KAT2B: variants seen among roughly 807,000 people sequenced by gnomAD.
KAT2B encodes histone acetyltransferase KAT2B.
KAT2B carries 36 observed loss-of-function variants against 105.9 expected under a neutral mutation model. The ratio of observed to expected loss-of-function variants is 0.34; its 90% CI spans 0.26 to 0.45. KAT2B has a LOEUF of 0.45. KAT2B is among the 20% of genes least tolerant of loss of function. The pLI, the probability that KAT2B is intolerant of heterozygous loss-of-function variation, is 1.00. For synonymous variants in KAT2B, 397 were observed against 377.9 expected (o/e 1.05, Z -0.59); for missense variants, 820 against 1,021.6 (o/e 0.80, Z 2.69).
chr3:20,067,424 A>G (rs1698241807), intron 1 of KAT2B, among the ~76,000 whole-genome samples: 1 of 152,132 alleles, frequency 6.6e-6, no homozygotes, highest in Non-Finnish European at 1.5e-5. Flanking sequence ...CCCCCAGTGA[A>G]CACAGCCATT....
intron 7 of KAT2B, 142 bp downstream of exon 7, chr3:20,115,130 A>C (rs559728786): frequency 5.0e-6 from 3 of 604,230 alleles, no homozygotes; most frequent in African/African-American, 3.7e-5. Flanking sequence ...TTCAAACCCA[A>C]TTATAGTCTC....
chr3:20,141,421 C>T (rs940292912), intron 13 of KAT2B, among the ~76,000 whole-genome samples: 2 of 151,994 alleles, frequency 1.3e-5, no homozygotes, highest in Non-Finnish European at 2.9e-5. Flanking sequence ...TACACAAAGG[C>T]CATTTATTGA....
intron 2 of KAT2B, among the ~76,000 whole-genome samples, chr3:20,084,998 A>G (rs1448584005): frequency 3.9e-5 from 6 of 152,180 alleles, no homozygotes. Flanking sequence ...ATCTGAAGGA[A>G]TTTACTTGAT....
rs1699774368 is a variant in KAT2B, at chr3:20,145,713, T to C, written c.2005-603T>C. On this transcript the variant is annotated intron_variant, in intron 13 of 17. Transcript: ENST00000263754. ...TTATGTCATGGTTGTGTTGCTTTAA[T>C]AGATGATACTTTAAATTGCATTATT... is the stretch of plus-strand genomic sequence containing the variant. Among the ~76,000 whole-genome samples, 3 of 152,316 alleles carry C rather than the reference T, an allele frequency of 2.0e-5. No homozygotes were observed. The South Asian group carries it at 6.2e-4, about 32-fold the overall frequency.
At chr3:20,056,906 A>G (rs186502739) in intron 1 of KAT2B, among the ~76,000 whole-genome samples, 1 of 152,316 alleles carries the variant, frequency 6.6e-6, no homozygotes, top group African/African-American at 2.4e-5. Flanking sequence ...TGGGAGGGGA[A>G]CATAACATGA....
In KAT2B at chr3:20,067,234, T is replaced by G. The variant is rs1473435734; in HGVS notation, c.304-5099T>G. ...AAGAAAAGATCTTTATTCAGTTACATTTTTAAGCATCAGTGTTTATTGTAT... is the reference window on the plus strand; with the variant it reads ...AAGAAAAGATCTTTATTCAGTTACAGTTTTAAGCATCAGTGTTTATTGTAT... On this transcript the variant is annotated intron_variant, in intron 1 of 17. Coordinates refer to ENST00000263754, the MANE Select transcript of KAT2B (RefSeq NM_003884.5). Among the ~76,000 whole-genome samples, 3 of 152,258 alleles carry G rather than the reference T, an allele frequency of 2.0e-5. No homozygotes were observed. The South Asian group carries it at 6.2e-4, about 32-fold the overall frequency.
intron 7 of KAT2B, among the ~76,000 whole-genome samples, chr3:20,118,620 G>A (rs897200061): frequency 1.3e-5 from 2 of 149,522 alleles, no homozygotes; most frequent in Non-Finnish European, 3.0e-5. Context: ...CTACTCGGGA[G>A]GCTGAGGCAG....
chr3:20,075,211 C>A (rs911598234), intron 2 of KAT2B, among the ~76,000 whole-genome samples: 5 of 151,984 alleles, frequency 3.3e-5, no homozygotes, highest in African/African-American at 1.2e-4. Flanking sequence ...TTGTAGTGAG[C>A]CGAGATTGCA....
At chr3:20,138,785 A>T (rs1699647548) in intron 12 of KAT2B, among the ~76,000 whole-genome samples, 1 of 152,178 alleles carries the variant, frequency 6.6e-6, no homozygotes, top group Non-Finnish European at 1.5e-5. Context: ...TAACTATATT[A>T]ACCTTGGATA....
At chr3:20,106,620 G>A (rs1367584185) in intron 5 of KAT2B, among the ~76,000 whole-genome samples, 2 of 152,112 alleles carry the variant, frequency 1.3e-5, no homozygotes, top group Non-Finnish European at 2.9e-5. Context: ...GGAAATGAAT[G>A]AAAGCCCATT....
At chr3:20,111,832 A>C (rs1376953022) in intron 6 of KAT2B, 45 bp downstream of exon 6, 1 of 1,484,874 alleles carries the variant, frequency 6.7e-7, no homozygotes, top group East Asian at 2.3e-5. Context: ...CCAGAGCTTG[A>C]GGTTGCTAAA....
At chr3:20,111,283 ATCAAATTT>A (rs1699116618) in intron 5 of KAT2B, among the ~76,000 whole-genome samples, 1 of 152,252 alleles carries the variant, frequency 6.6e-6, no homozygotes, top group South Asian at 2.1e-4. Context: ...AAATAGCGTA[ATCAAATTT>A]TCAAAGTTAT....
chr3:20,091,703 T>G (rs756259279), intron 2 of KAT2B, among the ~76,000 whole-genome samples: 5 of 152,180 alleles, frequency 3.3e-5, no homozygotes, highest in Non-Finnish European at 7.3e-5. Context: ...CACTTCTGTT[T>G]GTCTTAAGAT....
At chr3:20,071,038 A>G (rs1409029472) in intron 1 of KAT2B, among the ~76,000 whole-genome samples, 1 of 152,046 alleles carries the variant, frequency 6.6e-6, no homozygotes, top group Non-Finnish European at 1.5e-5. Flanking sequence ...AAGTTTGGAT[A>G]ACTGTATTAC....
chr3:20,135,655 A>C (rs1699587531), intron 11 of KAT2B, among the ~76,000 whole-genome samples: 1 of 6,310 alleles, frequency 1.6e-4, no homozygotes, highest in South Asian at 5.7e-3. Flanking sequence ...CTCCATCTCA[A>C]AAAAAAAAAA....
At position 20,127,508 on chromosome 3, in the gene KAT2B, G is replaced by A; in HGVS notation, c.1708G>A (p.Glu570Lys). ...FRMFPSQGFTEIVFCAVTSNE... is the reference protein window; with the variant it reads ...FRMFPSQGFTKIVFCAVTSNE... Reference sequence around the variant, plus strand: ...TATGTTCCCATCTCAAGGATTCACAGAGATTGTCTTCTGTGCTGTAACCTC... The same window carrying A: ...TATGTTCCCATCTCAAGGATTCACAAAGATTGTCTTCTGTGCTGTAACCTC... The change falls in exon 11 of 18, where the codon GAG (glutamate) becomes AAG (lysine). Residue 570 changes from glutamate to lysine, a missense_variant. By Grantham distance (56) the Glu-to-Lys change is moderately conservative. Around this residue, in one of 6 missense-constraint regions of KAT2B, gnomAD observed 225 missense variants for 268.1 expected, o/e 0.84. Coordinates refer to ENST00000263754, the MANE Select transcript of KAT2B (RefSeq NM_003884.5). 6.2e-7 allele frequency: 1 copy of A among 1,613,910 alleles called. No homozygotes were observed. The highest frequency in any genetic ancestry group is 8.5e-7 in the Non-Finnish European group (1 of 1,179,752).
intron 7 of KAT2B, among the ~76,000 whole-genome samples, chr3:20,118,664 T>G (rs1699250999): frequency 7.0e-6 from 1 of 143,754 alleles, no homozygotes; most frequent in Non-Finnish European, 1.5e-5. Flanking sequence ...CAGAGGAGGT[T>G]GCAGTGAGCC....
At chr3:20,107,491 C>A (rs977634068) in intron 5 of KAT2B, among the ~76,000 whole-genome samples, 1 of 151,082 alleles carries the variant, frequency 6.6e-6, no homozygotes, top group Non-Finnish European at 1.5e-5. Flanking sequence ...AACCCTGTCT[C>A]TATTAAAAAT....
intron 2 of KAT2B, among the ~76,000 whole-genome samples, chr3:20,085,557 C>T (rs1221569785): frequency 6.8e-6 from 1 of 147,570 alleles, no homozygotes; most frequent in African/African-American, 2.5e-5. Context: ...GTCTCCCAGG[C>T]TGGAGTGCAG....
Sources: allele counts gnomAD v4.1 joint callset (sites outside exome capture counted in the v4.1 genomes callset), GRCh38; gene constraint gnomAD v4.1.1; regional missense constraint gnomAD v4.1.1; transcripts MANE v1.5; gene names NCBI Gene and HGNC (gene_info 2026-07-23, HGNC 2026-07-21).